ZNF582: variants seen among roughly 807,000 people sequenced by gnomAD.
ZNF582 encodes zinc finger protein 582.
Under a neutral mutation model 12.3 loss-of-function variants are expected in ZNF582, and 14 were observed. That is an observed-to-expected ratio of 1.14 (90% CI 0.75 to 1.78). The LOEUF is 1.78. ZNF582 is among the 40% of genes most tolerant of loss of function. The pLI is 0.00. For synonymous variants in ZNF582, 210 were observed against 207.2 expected, an observed-to-expected ratio of 1.01 and a Z score of -0.11; for missense variants, 567 against 616.5, an observed-to-expected ratio of 0.92 and a Z score of 0.85.
At chr19:56,390,094 G>A in exon 4 of ZNF582, 1 of 1,613,582 alleles carries the variant, frequency 6.2e-7, no homozygotes, top group Non-Finnish European at 8.5e-7. Context: ...GAAACGGCAA[G>A]ACCTGGAGAT....
At chr19:56,389,938 G>C in intron 4 of ZNF582, 63 bp downstream of exon 4, 10 of 1,349,582 alleles carry the variant, frequency 7.4e-6, no homozygotes, top group Non-Finnish European at 1.1e-5. Context: ...TAAGACAAAG[G>C]GCCACTTCCA....
In ZNF582 at chr19:56,383,982, CAT is replaced by C. The variant is rs761340444; in HGVS notation, c.1433_1434del (p.His478ArgfsTer33). 23 of 1,613,862 alleles carry C rather than the reference CAT, an allele frequency of 1.4e-5. No individual in the cohort carries two copies. In the East Asian group the frequency reaches 2.0e-4, roughly 14 times the overall value. The stretch of plus-strand genomic sequence containing the variant: ...GGCTTTTCTACATTTATTATATTCA[CAT>C]GTGTTTCTCTATTATGCATTCTCTG... On this transcript the variant is annotated frameshift_variant, in exon 5 of 5. Transcript: ENST00000586929. LOFTEE classifies it low-confidence loss of function (END_TRUNC).
At chr19:56,385,686 AAG>A (rs1377865604) in intron 4 of ZNF582, among the ~76,000 whole-genome samples, 3 of 151,990 alleles carry the variant, frequency 2.0e-5, no homozygotes, top group Non-Finnish European at 4.4e-5. Flanking sequence ...AAAAAAAAAA[AAG>A]AGTTGGTGTG....
At chr19:56,383,983 A>G (rs1214338252) in exon 5 of ZNF582, 1 of 1,613,918 alleles carries the variant, frequency 6.2e-7, no homozygotes, top group Non-Finnish European at 8.5e-7. Flanking sequence ...TTATATTCAC[A>G]TGTGTTTCTC....
At chr19:56,383,282 G>C (rs1382305401) in exon 5 of ZNF582, 2 of 152,228 alleles carry the variant, frequency 1.3e-5, no homozygotes, top group Non-Finnish European at 2.9e-5. Flanking sequence ...TGAGATTATT[G>C]TAAGATGGTC....
intron 4 of ZNF582, among the ~76,000 whole-genome samples, chr19:56,388,714 T>G (rs193053479): frequency 5.9e-5 from 9 of 152,104 alleles, no homozygotes; most frequent in Admixed American, 2.0e-4. Context: ...ATCACTGCAA[T>G]CTCCGCCTCC....
exon 5 of ZNF582, chr19:56,384,648 A>G: frequency 1.2e-6 from 2 of 1,614,120 alleles, no homozygotes; most frequent in Non-Finnish European, 8.5e-7. Context: ...CAATCTTTAC[A>G]TTCATACGGT....
exon 5 of ZNF582, chr19:56,383,966 A>G (rs971939116): frequency 5.6e-6 from 9 of 1,613,676 alleles, no homozygotes; most frequent in African/African-American, 1.3e-5. Context: ...AGGCTTTTCT[A>G]CATTTATTAT....
exon 5 of ZNF582, chr19:56,384,289 A>G: frequency 6.2e-7 from 1 of 1,613,814 alleles, no homozygotes; most frequent in South Asian, 1.1e-5. Context: ...AGCTCACTCT[A>G]AAGGCCTTTC....
chr19:56,391,779 G>A (rs1330800246), exon 2 of ZNF582: 2 of 1,614,206 alleles, frequency 1.2e-6, no homozygotes, highest in Admixed American at 1.7e-5. Context: ...AGGGCTGATA[G>A]GTCCTCCTTC....
chr19:56,388,925 A>G (rs1042830857), intron 4 of ZNF582, among the ~76,000 whole-genome samples: 1 of 152,140 alleles, frequency 6.6e-6, no homozygotes, highest in African/African-American at 2.4e-5. Flanking sequence ...CCCCTAGTGT[A>G]TCTCTGTGTT....
chr19:56,389,687 T>C (rs1470669802), intron 4 of ZNF582, among the ~76,000 whole-genome samples: 1 of 151,876 alleles, frequency 6.6e-6, no homozygotes, highest in East Asian at 1.9e-4. Context: ...TTTTAAATAT[T>C]AAAATTAAAA....
exon 5 of ZNF582, chr19:56,384,085 A>T: frequency 1.9e-6 from 3 of 1,611,474 alleles, no homozygotes; most frequent in Non-Finnish European, 2.5e-6. Flanking sequence ...TCTCAGTGTG[A>T]ATAACCTGAT....
exon 5 of ZNF582, chr19:56,384,056 T>C (rs1295698201): frequency 6.2e-7 from 1 of 1,611,608 alleles, no homozygotes; most frequent in Admixed American, 1.7e-5. Flanking sequence ...CTCACATTCC[T>C]TATATTCATA....
exon 3 of ZNF582, chr19:56,390,384 C>T (rs2042005240): frequency 1.2e-6 from 2 of 1,614,196 alleles, no homozygotes; most frequent in Non-Finnish European, 1.7e-6. Context: ...CCCAGTGAGA[C>T]CAGGTTGCTG....
chr19:56,387,460 T>C (rs2041976677), intron 4 of ZNF582: 2 of 152,232 alleles, frequency 1.3e-5, no homozygotes, highest in Admixed American at 6.5e-5. Context: ...GGTGTTTTGA[T>C]TGGACTCAAA....
At chr19:56,384,693 A>C in exon 5 of ZNF582, 1 of 1,612,662 alleles carries the variant, frequency 6.2e-7, no homozygotes. Flanking sequence ...TGTTGTATAA[A>C]ATTTGAACCA....
chr19:56,389,234 C>T (rs910431550), intron 4 of ZNF582, among the ~76,000 whole-genome samples: 2 of 152,202 alleles, frequency 1.3e-5, no homozygotes, highest in Admixed American at 6.5e-5. Flanking sequence ...TGTCCACCTG[C>T]CTCATCAATG....
intron 2 of ZNF582, 111 bp downstream of exon 2, chr19:56,391,633 G>C: frequency 1.1e-6 from 1 of 906,978 alleles, no homozygotes; most frequent in Non-Finnish European, 1.8e-6. Context: ...CTCCTGCCTG[G>C]TCCTTTTATT....
Sources: gnomAD v4.1 joint callset for allele counts (sites outside exome capture counted in the v4.1 genomes callset) on GRCh38, gnomAD v4.1.1 for gene constraint, MANE v1.5 for transcripts, NCBI Gene and HGNC (gene_info 2026-07-23, HGNC 2026-07-21) for gene names.